GNG2: variants seen among roughly 807,000 people sequenced by gnomAD.
GNG2 encodes guanine nucleotide-binding protein G(I)/G(S)/G(O) subunit gamma-2.
A neutral mutation model predicts 5.5 loss-of-function variants in GNG2; 5 were observed. That is an observed-to-expected ratio of 0.91 (90% confidence interval 0.48 to 1.92). The LOEUF is 1.92. Ranked by LOEUF, GNG2 falls within the 30% of genes most tolerant of loss-of-function variation. The probability of loss-of-function intolerance (pLI) is 0.01; values close to 1 mark genes in which losing one functional copy is unlikely to be tolerated. For synonymous variants in GNG2, 28 were observed against 32.0 expected (o/e 0.88, Z 0.42); for missense variants, 55 against 88.4 (o/e 0.62, Z 1.52).
intron 1 of GNG2, among the ~76,000 whole-genome samples, chr14:51,868,085 A>G (rs1883034382): frequency 6.6e-6 from 1 of 152,188 alleles, no homozygotes; most frequent in African/African-American, 2.4e-5. Context: ...AGAGCTCACA[A>G]ACTCATGGGG....
intron 3 of GNG2, among the ~76,000 whole-genome samples, chr14:51,964,503 A>G (rs1399806515): frequency 6.6e-6 from 1 of 151,858 alleles, no homozygotes; most frequent in African/African-American, 2.4e-5. Context: ...CACACTTCTC[A>G]CTCCTACCAT....
At chr14:51,869,234 A>G (rs1227019426) in intron 1 of GNG2, among the ~76,000 whole-genome samples, 1 of 152,252 alleles carries the variant, frequency 6.6e-6, no homozygotes, top group Non-Finnish European at 1.5e-5. Flanking sequence ...ATATTTTTCT[A>G]TCAGGATATT....
At chr14:51,887,156 A>G (rs185052457) in intron 2 of GNG2, among the ~76,000 whole-genome samples, 1 of 152,238 alleles carries the variant, frequency 6.6e-6, no homozygotes, top group East Asian at 1.9e-4. Flanking sequence ...ACAGAGAGAG[A>G]AAACCACCCT....
intron 2 of GNG2, among the ~76,000 whole-genome samples, chr14:51,879,453 T>A (rs1288592618): frequency 1.3e-5 from 2 of 152,220 alleles, no homozygotes; most frequent in African/African-American, 4.8e-5. Flanking sequence ...GTGTATTAGT[T>A]TTCTATGGCT....
intron 1 of GNG2, among the ~76,000 whole-genome samples, chr14:51,869,080 C>T (rs940847757): frequency 1.3e-5 from 2 of 152,188 alleles, no homozygotes; most frequent in Non-Finnish European, 2.9e-5. Flanking sequence ...TCAGACCACA[C>T]AGAGTAAAGA....
At chr14:51,907,987 A>C (rs1886035993) in intron 2 of GNG2, among the ~76,000 whole-genome samples, 2 of 152,390 alleles carry the variant, frequency 1.3e-5, no homozygotes, top group Middle Eastern at 6.8e-3. Flanking sequence ...GCTACTTAAC[A>C]CATTAACCCA....
chr14:51,827,856 T>G (rs1273729883), intron 2 of GNG2: 1 of 636,316 alleles, frequency 1.6e-6, no homozygotes, highest in Non-Finnish European at 2.8e-6. Context: ...GAGGAAAACG[T>G]TGAAGTGTTT....
At chr14:51,879,958 T>G (rs566301732) in intron 2 of GNG2, among the ~76,000 whole-genome samples, 32 of 152,330 alleles carry the variant, frequency 2.1e-4, no homozygotes, top group African/African-American at 7.5e-4. Context: ...GTAGAAATGC[T>G]TCAGGTAGCA....
intron 1 of GNG2, 49 bp from the exon 2 acceptor site, chr14:51,877,568 G>A: frequency 2.2e-6 from 1 of 454,054 alleles, no homozygotes; most frequent in Middle Eastern, 3.3e-4. Flanking sequence ...TGTGTATCAT[G>A]TTATTTTTCC....
chr14:51,884,493 C>T (rs1378766534), intron 2 of GNG2, among the ~76,000 whole-genome samples: 1 of 152,132 alleles, frequency 6.6e-6, no homozygotes, highest in Non-Finnish European at 1.5e-5. Flanking sequence ...AAGTAATGTG[C>T]TTAGGGTCAC....
At chr14:51,934,057 G>A (rs1455819227) in intron 2 of GNG2, among the ~76,000 whole-genome samples, 2 of 152,164 alleles carry the variant, frequency 1.3e-5, no homozygotes, top group Non-Finnish European at 1.5e-5. Context: ...AGTTGGATCC[G>A]ACCAGGATTG....
intron 2 of GNG2, among the ~76,000 whole-genome samples, chr14:51,889,589 A>C (rs1174406878): frequency 6.6e-6 from 1 of 152,220 alleles, no homozygotes; most frequent in Non-Finnish European, 1.5e-5. Context: ...CTTTGGGAAA[A>C]ATAAATATTC....
rs1890104782 is a variant in GNG2 at position 51,969,507 on chromosome 14, G to A, written c.*2820G>A. 1 of 152,154 alleles carries A rather than the reference G, an allele frequency of 6.6e-6. No individual in the cohort carries two copies. The highest frequency in any genetic ancestry group is 1.5e-5 in the Non-Finnish European group (1 of 68,038). The allele number at this position is 152,154 out of a possible 1,614,324, so 9.4% of individuals were successfully genotyped here. A position where few individuals can be genotyped will look rare whatever the true frequency, so the allele number is the denominator to read the frequency against. On this transcript the variant is annotated 3_prime_UTR_variant, in exon 4 of 4. Coordinates refer to ENST00000556766, the MANE Select transcript of GNG2 (RefSeq NM_053064.5). ...TCTCCATACGCTCATAGTCACATATGGAATTTTGAGAAAATAAAGCATGCT... is the reference window on the plus strand; with the variant it reads ...TCTCCATACGCTCATAGTCACATATAGAATTTTGAGAAAATAAAGCATGCT...
chr14:51,830,205 C>T (rs1881144207), intron 2 of GNG2, among the ~76,000 whole-genome samples: 1 of 152,192 alleles, frequency 6.6e-6, no homozygotes, highest in Admixed American at 6.5e-5. Flanking sequence ...TCCTGGGTTT[C>T]CTTCTCTACG....
chr14:51,937,108 C>T (rs35484737), intron 2 of GNG2, among the ~76,000 whole-genome samples: 2 of 152,106 alleles, frequency 1.3e-5, no homozygotes, highest in Non-Finnish European at 2.9e-5. Flanking sequence ...TAATGTCTTA[C>T]ATTTTCCCTC....
rs1886716374 is a variant in GNG2 at position 51,917,453 on chromosome 14, C to T, written c.-29-33197C>T. 6.6e-6 allele frequency: 3 copies of T among 455,886 alleles called. 1 individual carries two copies. The East Asian group carries it at 2.1e-4, about 32-fold the overall frequency. 28.2% of individuals were successfully genotyped at this position (455,886 alleles called of 1,614,324 possible). On this transcript the variant is annotated intron_variant, in intron 2 of 3. Coordinates refer to ENST00000556766, the MANE Select transcript of GNG2 (RefSeq NM_053064.5). ...TCTTCCTGTGAGACGTAGCATCCTC[C>T]AGGGAGTGAGTTGGAACCTTAGCCT... is the stretch of plus-strand genomic sequence containing the variant.
chr14:51,954,614 G>T (rs1162109125), intron 3 of GNG2, among the ~76,000 whole-genome samples: 1 of 152,212 alleles, frequency 6.6e-6, no homozygotes, highest in Non-Finnish European at 1.5e-5. Flanking sequence ...TCCAAGAGCA[G>T]AAATGTGGCT....
intron 3 of GNG2, among the ~76,000 whole-genome samples, chr14:51,962,644 T>TA (rs1188321628): frequency 6.6e-6 from 1 of 152,092 alleles, no homozygotes; most frequent in Non-Finnish European, 1.5e-5. Context: ...CTGCAATAGA[T>TA]ATAACAGGAA....
chr14:51,966,583 A>G lies in GNG2; in HGVS notation c.112A>G (p.Met38Val). 6.2e-7 allele frequency: 1 copy of G among 1,613,780 alleles called. No individual in the cohort carries two copies. The highest frequency in any genetic ancestry group is 8.5e-7 in the Non-Finnish European group (1 of 1,179,740). The change falls in exon 4 of 4, where the codon ATG (methionine) becomes GTG (valine). Residue 38 changes from methionine to valine, a missense_variant. Transcript: ENST00000556766. Reference protein sequence around the residue: ...IKVSKAAADLMAYCEAHAKED... With the variant: ...IKVSKAAADLVAYCEAHAKED... ...GGTGTCCAAGGCAGCTGCAGATTTG[A>G]TGGCCTACTGTGAAGCACATGCCAA...
Sources: gnomAD v4.1 joint callset for allele counts (sites outside exome capture counted in the v4.1 genomes callset) on GRCh38, gnomAD v4.1.1 for gene constraint, MANE v1.5 for transcripts, NCBI Gene and HGNC (gene_info 2026-07-23, HGNC 2026-07-21) for gene names.